The following DOP1B variants were observed in gnomAD, a reference collection of about 807,000 sequenced individuals.
DOP1B encodes protein DOP1B.
DOP1B carries 174 observed loss-of-function variants against 233.5 expected under a neutral mutation model. The ratio of observed to expected loss-of-function variants is 0.75; its 90% CI spans 0.66 to 0.85. The LOEUF (loss-of-function observed/expected upper bound fraction) is 0.85, where lower values mean the gene tolerates loss of function less well. DOP1B is among the 40% of genes least tolerant of loss of function. The probability of loss-of-function intolerance (pLI) is 0.00; values close to 1 mark genes in which losing one functional copy is unlikely to be tolerated. For synonymous variants in DOP1B, 1,190 were observed against 1,185.6 expected, an observed-to-expected ratio of 1.00 and a Z score of -0.08; for missense variants, 2,652 against 2,846.6, an observed-to-expected ratio of 0.93 and a Z score of 1.56.
chr21:36,233,520 T>A (rs918661259), intron 15 of DOP1B, among the ~76,000 whole-genome samples: 1 of 151,726 alleles, frequency 6.6e-6, no homozygotes, highest in African/African-American at 2.4e-5. Context: ...TGCACCAGAG[T>A]GGATAGTGAC....
At chr21:36,259,752 A>C (rs943135880) in intron 23 of DOP1B, among the ~76,000 whole-genome samples, 9 of 152,152 alleles carry the variant, frequency 5.9e-5, no homozygotes, top group Non-Finnish European at 1.3e-4. Context: ...ACATTACTTG[A>C]ATTTCTACAA....
intron 2 of DOP1B, among the ~76,000 whole-genome samples, chr21:36,181,831 C>G (rs199727031): frequency 0.44 from 66,717 of 151,930 alleles, 16,139 homozygotes; most frequent in African/African-American, 0.66. Context: ...CACTCACCTT[C>G]CATTTAATGG....
chr21:36,210,989 C>G (rs978339368), intron 5 of DOP1B, among the ~76,000 whole-genome samples: 2 of 152,210 alleles, frequency 1.3e-5, no homozygotes, highest in Non-Finnish European at 2.9e-5. Context: ...CCCGGCTGTT[C>G]CCTTCTGTCC....
Position 36,245,888 on chromosome 21 carries a change from C to G in DOP1B, c.3908C>G (p.Pro1303Arg), listed in dbSNP as rs754203134. Residue 1303 changes from proline to arginine, a missense_variant, in exon 19 of 37, where the codon CCC (proline) becomes CGC (arginine). Pro to Arg is a moderately radical substitution (Grantham distance 103, BLOSUM62 -2). Transcript: ENST00000691173. The surrounding 1 kb of genome is among the most constrained non-coding windows in gnomAD (Gnocchi z 5.5). ...SFYGKLQTQVPNVCPHSLLLE... is the reference protein window; with the variant it reads ...SFYGKLQTQVRNVCPHSLLLE... ...TACGGAAAGCTCCAGACCCAGGTCC[C>G]CAACGTGTGCCCCCACTCTCTGCTC... 1.2e-6 allele frequency: 2 copies of G among 1,613,672 alleles called. No individual in the cohort carries two copies. Among genetic ancestry groups the G allele is most frequent in the African/African-American group, 2.7e-5 (2 of 74,916 alleles).
chr21:36,281,220 C>T (rs917462667), intron 31 of DOP1B, among the ~76,000 whole-genome samples: 32 of 152,166 alleles, frequency 2.1e-4, no homozygotes, highest in African/African-American at 7.5e-4. Context: ...CGCTTGAACC[C>T]AGGAGGTCGA....
chr21:36,272,368 G>C (rs2067298171), intron 27 of DOP1B, among the ~76,000 whole-genome samples: 1 of 151,988 alleles, frequency 6.6e-6, no homozygotes, highest in South Asian at 2.1e-4. Flanking sequence ...AAATAAATCA[G>C]GCCGGGCACA....
intron 26 of DOP1B, among the ~76,000 whole-genome samples, chr21:36,268,870 A>G (rs980328509): frequency 2.0e-5 from 3 of 151,824 alleles, no homozygotes; most frequent in African/African-American, 7.3e-5. Flanking sequence ...GGGTTTCACC[A>G]TGTTGGCCAT....
intron 26 of DOP1B, among the ~76,000 whole-genome samples, chr21:36,265,186 AG>A (rs2067217709): frequency 6.6e-6 from 1 of 152,222 alleles, no homozygotes; most frequent in Admixed American, 6.5e-5. Flanking sequence ...ACCTGAGGTC[AG>A]GGGTTCAAGA....
chr21:36,270,813 C>G (rs2067279704), intron 27 of DOP1B, among the ~76,000 whole-genome samples: 1 of 149,970 alleles, frequency 6.7e-6, no homozygotes, highest in South Asian at 2.1e-4. Flanking sequence ...ACATGGGAGG[C>G]TGAGGCAGAG....
At position 36,245,440 on chromosome 21, in the gene DOP1B, G is replaced by T. The variant is rs373300915; in HGVS notation, c.3460G>T (p.Ala1154Ser). 6.2e-7 allele frequency: 1 copy of T among 1,613,888 alleles called. No individual in the cohort carries two copies. The highest frequency in any genetic ancestry group is 1.1e-5 in the South Asian group (1 of 91,086). ...TGCACCCATCCCCATGGGGGGCAGG[G>T]CGTACCCCAAGCGCTCGGCCCTGCT... ...CCAPIPMGGRAYPKRSALLAA... is the reference protein window; with the variant it reads ...CCAPIPMGGRSYPKRSALLAA... Residue 1154 changes from alanine (A) to serine (S), a missense_variant, in exon 19 of 37, where the codon GCG becomes TCG. This residue lies in a region of DOP1B where 2,617 missense variants were observed against 2,794.3 expected (regional missense o/e 0.94). Coordinates refer to ENST00000691173, the MANE Select transcript of DOP1B (RefSeq NM_001320714.2). The surrounding 1 kb of genome is among the most constrained non-coding windows in gnomAD (Gnocchi z 5.5).
At chr21:36,179,349 T>C (rs984398458) in intron 2 of DOP1B, among the ~76,000 whole-genome samples, 1 of 152,214 alleles carries the variant, frequency 6.6e-6, no homozygotes, top group South Asian at 2.1e-4. Context: ...CCCCATCCTC[T>C]TCAACACTTG....
chr21:36,270,740 C>A (rs1272365127), intron 27 of DOP1B, among the ~76,000 whole-genome samples: 1 of 150,388 alleles, frequency 6.6e-6, no homozygotes, highest in Non-Finnish European at 1.5e-5. Flanking sequence ...ATGGTGAAAC[C>A]CCATCTTAAC....
At position 36,223,235 on chromosome 21, in the gene DOP1B, A is replaced by G; in HGVS notation, c.1255A>G (p.Ile419Val). Reference protein sequence around the residue: ...TQSGNSLISAIKENRNASEIV... With the variant: ...TQSGNSLISAVKENRNASEIV... ...TCATGTCCTCCCCTTTTACAGTGCAATCAAGGAAAACAGAAATGCCTCTGA... is the reference window on the plus strand; with the variant it reads ...TCATGTCCTCCCCTTTTACAGTGCAGTCAAGGAAAACAGAAATGCCTCTGA... The change falls in exon 11 of 37, where the codon ATC becomes GTC. Residue 419 changes from isoleucine to valine, a missense_variant. Physicochemically the swap from Ile to Val is conservative, Grantham distance 29. Coordinates refer to ENST00000691173, the MANE Select transcript of DOP1B (RefSeq NM_001320714.2). 4 of 1,599,416 alleles carry G rather than the reference A, an allele frequency of 2.5e-6. No homozygotes were observed. Among genetic ancestry groups the G allele is most frequent in the Non-Finnish European group, 3.4e-6 (4 of 1,176,038 alleles).
Position 36,292,193 on chromosome 21 carries a change from A to G in DOP1B, c.6605A>G (p.His2202Arg). Residue 2202 changes from histidine to arginine, a missense_variant, in exon 36 of 37, where the codon CAC (histidine) becomes CGC (arginine). His to Arg is a conservative substitution (Grantham distance 29, BLOSUM62 0). Around this residue, in one of 3 missense-constraint regions of DOP1B, gnomAD observed 2,617 missense variants for 2,794.3 expected, o/e 0.94. Coordinates refer to ENST00000691173, the MANE Select transcript of DOP1B (RefSeq NM_001320714.2). ...VEENHQECKP[H>R]TVRILELLKL... ...GAGAATCACCAAGAATGCAAACCCCACACTGTCAGGATTCTAGAACTTCTA... is the reference window on the plus strand; with the variant it reads ...GAGAATCACCAAGAATGCAAACCCCGCACTGTCAGGATTCTAGAACTTCTA... 1 of 1,611,152 alleles carries G rather than the reference A, an allele frequency of 6.2e-7. No individual in the cohort carries two copies. Among genetic ancestry groups the G allele is most frequent in the Non-Finnish European group, 8.5e-7 (1 of 1,178,998 alleles).
intron 13 of DOP1B, among the ~76,000 whole-genome samples, chr21:36,229,814 AC>A (rs2066737908): frequency 1.3e-5 from 2 of 151,710 alleles, no homozygotes; most frequent in South Asian, 4.2e-4. Flanking sequence ...GGCACCCACC[AC>A]CATGCCTGGC....
Position 36,183,020 on chromosome 21 carries a change from G to C in DOP1B, c.139-16050G>C, listed in dbSNP as rs551898423. Among the ~76,000 whole-genome samples the C allele has an allele frequency of 2.6e-5, 4 of 152,290 alleles. No homozygotes were observed. The South Asian group carries it at 8.3e-4, about 32-fold the overall frequency. On this transcript the variant is annotated intron_variant, in intron 2 of 36. Coordinates refer to ENST00000691173, the MANE Select transcript of DOP1B (RefSeq NM_001320714.2). ...GTGGGTGGTGGTCTGTGCACTGTAG[G>C]ATGTTTTCTTTTGTTTAAGAGGCAG... is the stretch of plus-strand genomic sequence containing the variant.
intron 16 of DOP1B, among the ~76,000 whole-genome samples, chr21:36,237,989 GA>G (rs1443705858): frequency 6.6e-6 from 1 of 152,180 alleles, no homozygotes; most frequent in Admixed American, 6.5e-5. Flanking sequence ...GCAACATGGT[GA>G]AACCCTGTCT....
chr21:36,207,983 G>C (rs2066447911), intron 4 of DOP1B, among the ~76,000 whole-genome samples: 1 of 152,198 alleles, frequency 6.6e-6, no homozygotes, highest in Non-Finnish European at 1.5e-5. Context: ...TGATCCACTG[G>C]TGACGCTGCT....
chr21:36,255,563 G>A (rs1431378534), intron 23 of DOP1B, among the ~76,000 whole-genome samples: 8 of 151,676 alleles, frequency 5.3e-5, no homozygotes, highest in Non-Finnish European at 7.4e-5. Flanking sequence ...TTCCCAAATA[G>A]CTGAGACCAC....
Sources: allele counts gnomAD v4.1 joint callset (sites outside exome capture counted in the v4.1 genomes callset), GRCh38; gene constraint gnomAD v4.1.1; regional missense constraint gnomAD v4.1.1; non-coding constraint Gnocchi (gnomAD v3.1); transcripts MANE v1.5; gene names NCBI Gene and HGNC (gene_info 2026-07-23, HGNC 2026-07-21).